Variants in KALRN observed in about 807,000 individuals in gnomAD.
KALRN encodes the protein kalirin RhoGEF kinase, also known as kalirin.
In KALRN, 70 loss-of-function variants were observed where a neutral mutation model predicts 353.7. The observed-to-expected ratio is 0.20, with a 90% CI of 0.16 to 0.24. The LOEUF (loss-of-function observed/expected upper bound fraction) is 0.24, where lower values mean the gene tolerates loss of function less well. KALRN is among the 10% of genes least tolerant of loss of function. KALRN has a pLI of 1.00. For synonymous variants in KALRN, 1,391 were observed against 1,434.8 expected (o/e 0.97, Z 0.69); for missense variants, 2,791 against 3,756.7 (o/e 0.74, Z 6.72).
At position 124,458,295 on chromosome 3, in the gene KALRN, A is replaced by AG. The variant is rs934257911; in HGVS notation, c.3854+1567_3854+1568insG. 4.6e-5 allele frequency among the ~76,000 whole-genome samples: 7 copies of AG among 151,324 alleles called. No homozygotes were observed. In the South Asian group the frequency reaches 6.3e-4, roughly 14 times the overall value. On this transcript the variant is annotated intron_variant, in intron 23 of 59. Transcript: ENST00000682506. Reference sequence around the variant, plus strand: ...TGTCTCAAAAAAAAAAAAAAAAAAAAAGAGAATGCTCTCCTTTCTGTTTGT... The same window carrying AG: ...TGTCTCAAAAAAAAAAAAAAAAAAAAGAGAGAATGCTCTCCTTTCTGTTTGT...
At chr3:124,272,061 G>A (rs188258810) in intron 5 of KALRN, among the ~76,000 whole-genome samples, 11 of 152,232 alleles carry the variant, frequency 7.2e-5, no homozygotes, top group Admixed American at 3.9e-4. Context: ...GCTAAGGGTT[G>A]AAAAACTAAC....
intron 16 of KALRN, among the ~76,000 whole-genome samples, chr3:124,432,543 G>T (rs530821560): frequency 6.6e-6 from 1 of 152,232 alleles, no homozygotes; most frequent in African/African-American, 2.4e-5. Context: ...GCAGAATGAA[G>T]ACAGCTCTTG....
intron 10 of KALRN, among the ~76,000 whole-genome samples, chr3:124,367,117 A>C (rs2084896027): frequency 1.2e-5 from 1 of 85,930 alleles, no homozygotes; most frequent in African/African-American, 5.0e-5. Flanking sequence ...GGGGCTCCTC[A>C]CTTCCCAGTA....
chr3:124,662,487 G>T (rs1658956134), intron 45 of KALRN, among the ~76,000 whole-genome samples: 1 of 152,216 alleles, frequency 6.6e-6, no homozygotes, highest in South Asian at 2.1e-4. Context: ...TTCCCTTCTT[G>T]ATTGATAAAG....
chr3:124,476,622 G>A (rs1279341212), intron 26 of KALRN, among the ~76,000 whole-genome samples: 1 of 152,090 alleles, frequency 6.6e-6, no homozygotes, highest in African/African-American at 2.4e-5. Context: ...AGTCTTCAGA[G>A]TCTTGAATTT....
rs371805011 is a variant in KALRN, at chr3:124,678,207, A to C, written c.7211A>C (p.His2404Pro). Reference protein sequence around the residue: ...DGSIKKSCSWHTLRMRKRAEV... With the variant: ...DGSIKKSCSWPTLRMRKRAEV... ...TACAACAGGAAGTCATGTTCATGGC[A>C]TACTCTACGCATGAGAAAGCGGGCG... The change falls in exon 50 of 60, where the codon CAT becomes CCT. Residue 2404 changes from histidine to proline, a missense_variant. Coordinates refer to ENST00000682506, the MANE Select transcript of KALRN (RefSeq NM_001388419.1). The C allele has an allele frequency of 6.2e-7, 1 of 1,613,810 alleles. No homozygotes were observed. Among genetic ancestry groups the C allele is most frequent in the Admixed American group, 1.7e-5 (1 of 60,008 alleles).
At chr3:124,317,941 A>G (rs905975569) in intron 6 of KALRN, among the ~76,000 whole-genome samples, 1 of 151,938 alleles carries the variant, frequency 6.6e-6, no homozygotes, top group Non-Finnish European at 1.5e-5. Context: ...TACCATTTCA[A>G]TTTTGCAATG....
intron 1 of KALRN, among the ~76,000 whole-genome samples, chr3:124,173,029 A>G (rs78268492): frequency 0.025 from 3,843 of 152,160 alleles, 158 homozygotes; most frequent in African/African-American, 0.088. Flanking sequence ...TTAAATAATA[A>G]CTGGCCTAAG....
At chr3:124,632,342 G>T (rs1333744988) in intron 34 of KALRN, 78 bp from the exon 35 acceptor site, 1 of 1,397,006 alleles carries the variant, frequency 7.2e-7, no homozygotes, top group Non-Finnish European at 1.0e-6. Flanking sequence ...GCTTCCTGAG[G>T]ATGGAGCTGT....
intron 47 of KALRN, among the ~76,000 whole-genome samples, chr3:124,669,061 C>T (rs1287596613): frequency 6.6e-6 from 1 of 152,190 alleles, no homozygotes; most frequent in Non-Finnish European, 1.5e-5. Context: ...AAGCATTTTA[C>T]ATGGTTTTTC....
intron 34 of KALRN, among the ~76,000 whole-genome samples, chr3:124,622,645 GC>G (rs2079406768): frequency 6.6e-6 from 1 of 152,162 alleles, no homozygotes; most frequent in African/African-American, 2.4e-5. Context: ...CAAAGACACT[GC>G]TACTGGTCTT....
At chr3:124,383,181 T>C (rs2087670207) in intron 10 of KALRN, among the ~76,000 whole-genome samples, 1 of 152,132 alleles carries the variant, frequency 6.6e-6, no homozygotes, top group African/African-American at 2.4e-5. Context: ...CTGAGGCCTC[T>C]CTCCAAATTC....
intron 5 of KALRN, among the ~76,000 whole-genome samples, chr3:124,280,941 G>A (rs1580431560): frequency 6.6e-6 from 1 of 152,058 alleles, no homozygotes; most frequent in African/African-American, 2.4e-5. Context: ...GAGAGCAAAA[G>A]CCTCATACTC....
At chr3:124,252,757 C>T (rs2071356667) in intron 3 of KALRN, among the ~76,000 whole-genome samples, 1 of 152,212 alleles carries the variant, frequency 6.6e-6, no homozygotes. Context: ...TACAGCTTGA[C>T]AGAAAGACAG....
chr3:124,305,911 A>G (rs1344924789), intron 6 of KALRN, among the ~76,000 whole-genome samples: 1 of 152,178 alleles, frequency 6.6e-6, no homozygotes, highest in African/African-American at 2.4e-5. Context: ...AATAAAAAAC[A>G]GTCAATAGAA....
At chr3:124,620,878 A>G (rs2079190107) in intron 34 of KALRN, among the ~76,000 whole-genome samples, 1 of 152,212 alleles carries the variant, frequency 6.6e-6, no homozygotes, top group African/African-American at 2.4e-5. Flanking sequence ...TCAATTGGGA[A>G]CTTTCATTTT....
chr3:124,716,528 AAAAC>A (rs1184585221), intron 58 of KALRN, among the ~76,000 whole-genome samples: 3 of 152,210 alleles, frequency 2.0e-5, no homozygotes, highest in Admixed American at 6.5e-5. Flanking sequence ...TCTCAAAAAC[AAAAC>A]AAACAAACAA....
intron 1 of KALRN, among the ~76,000 whole-genome samples, chr3:124,147,763 G>A (rs2067547371): frequency 6.6e-6 from 1 of 152,180 alleles, no homozygotes; most frequent in South Asian, 2.1e-4. Context: ...AGAGGGAGAG[G>A]GTGGTTGGTC....
Position 124,247,639 on chromosome 3 carries a change from C to G in KALRN, c.263+12696C>G, listed in dbSNP as rs1316680980. ...TGCAGTGCCCCAAGCGAACTTATCT[C>G]TTGGAGCTCCCACTGTCCCCCTGAC... On this transcript the variant is annotated intron_variant, in intron 3 of 59. Transcript: ENST00000682506. Among the ~76,000 whole-genome samples, 3 of 152,200 alleles carry G rather than the reference C, an allele frequency of 2.0e-5. No individual in the cohort carries two copies. The East Asian group carries it at 5.8e-4, about 29-fold the overall frequency.
Sources: gnomAD v4.1 joint callset for allele counts (sites outside exome capture counted in the v4.1 genomes callset) on GRCh38, gnomAD v4.1.1 for gene constraint, MANE v1.5 for transcripts, NCBI Gene and HGNC (gene_info 2026-07-23, HGNC 2026-07-21) for gene names.